The following PPP4R4 variants were observed in gnomAD, a reference collection of about 807,000 sequenced individuals.
PPP4R4 encodes protein phosphatase 4 regulatory subunit 4, also known as serine/threonine-protein phosphatase 4 regulatory subunit 4.
PPP4R4 carries 70 observed loss-of-function variants against 121.8 expected under a neutral mutation model. The ratio of observed to expected loss-of-function variants is 0.57; its 90% CI spans 0.47 to 0.70. PPP4R4 has a LOEUF of 0.70. Ranked by LOEUF, PPP4R4 falls within the 30% of genes least tolerant of loss-of-function variation. PPP4R4 has a pLI of 0.00. For synonymous variants in PPP4R4, 348 were observed against 355.7 expected, an observed-to-expected ratio of 0.98 and a Z score of 0.24; for missense variants, 875 against 1,033.6, an observed-to-expected ratio of 0.85 and a Z score of 2.10.
At chr14:94,229,900 C>G (rs921738093) in intron 3 of PPP4R4, among the ~76,000 whole-genome samples, 1 of 152,006 alleles carries the variant, frequency 6.6e-6, no homozygotes, top group African/African-American at 2.4e-5. Flanking sequence ...TTGAGGCTTA[C>G]GTAGAAAGAT....
At chr14:94,179,042 T>G (rs1349279963) in intron 2 of PPP4R4, among the ~76,000 whole-genome samples, 4 of 152,246 alleles carry the variant, frequency 2.6e-5, no homozygotes, top group African/African-American at 2.4e-5. Context: ...GTCCCACCAG[T>G]CCCTCACTTT....
intron 1 of PPP4R4, chr14:94,175,789 A>G (rs891913592): frequency 2.1e-6 from 1 of 480,620 alleles, no homozygotes; most frequent in African/African-American, 1.9e-5. Context: ...TGAAGCCACG[A>G]TGTGATTTTC....
chr14:94,266,278 A>T (rs2139646831), intron 22 of PPP4R4, among the ~76,000 whole-genome samples: 1 of 152,266 alleles, frequency 6.6e-6, no homozygotes, highest in East Asian at 1.9e-4. Flanking sequence ...TAAAGAATCC[A>T]TTGGCATGTT....
intron 5 of PPP4R4, among the ~76,000 whole-genome samples, chr14:94,232,382 G>C (rs906129532): frequency 6.6e-6 from 1 of 152,018 alleles, no homozygotes; most frequent in African/African-American, 2.4e-5. Context: ...CTTAAATACT[G>C]GCTTGAAAAT....
chr14:94,263,410 CA>C (rs1893882091), intron 19 of PPP4R4, among the ~76,000 whole-genome samples: 1 of 152,064 alleles, frequency 6.6e-6, no homozygotes, highest in East Asian at 1.9e-4. Context: ...TGAGCCTATC[CA>C]ATTAATTTTT....
At chr14:94,241,982 C>T (rs746698134) in intron 10 of PPP4R4, 25 bp downstream of exon 10, 37 of 1,545,860 alleles carry the variant, frequency 2.4e-5, no homozygotes, top group Non-Finnish European at 3.1e-5. Flanking sequence ...TTTATATTTA[C>T]TGAGGATTTT....
Position 94,264,858 on chromosome 14 carries a change from A to C in PPP4R4, c.2128-20A>C. 1.3e-6 allele frequency: 2 copies of C among 1,562,372 alleles called. No individual in the cohort carries two copies. The highest frequency in any genetic ancestry group is 2.7e-5 in the African/African-American group (2 of 73,136). ...CTACTTCAGTTGTACCTTTAATGCA[A>C]GATACTGTCTTAATAACAGGAACAA... On this transcript the variant is annotated intron_variant, in intron 19 of 24. Transcript: ENST00000304338.
chr14:94,242,504 G>T, intron 11 of PPP4R4, 96 bp downstream of exon 11: 7 of 1,160,800 alleles, frequency 6.0e-6, no homozygotes, highest in East Asian at 2.6e-5. Flanking sequence ...GATATAGACT[G>T]GATATCTCTT....
chr14:94,273,099 G>A (rs1329525386), intron 23 of PPP4R4, among the ~76,000 whole-genome samples: 2 of 152,262 alleles, frequency 1.3e-5, no homozygotes, highest in African/African-American at 4.8e-5. Flanking sequence ...TACAAAACCA[G>A]ACATTCTTAC....
chr14:94,190,384 G>C (rs6575397), intron 2 of PPP4R4, among the ~76,000 whole-genome samples: 1 of 151,904 alleles, frequency 6.6e-6, no homozygotes, highest in Non-Finnish European at 1.5e-5. Context: ...GAGGTGGGTG[G>C]ATCACTTGAG....
intron 3 of PPP4R4, among the ~76,000 whole-genome samples, chr14:94,209,885 C>T (rs1890653280): frequency 6.6e-6 from 1 of 151,986 alleles, no homozygotes; most frequent in Non-Finnish European, 1.5e-5. Flanking sequence ...ATTAGATATC[C>T]AAAGTTTCAT....
chr14:94,219,399 T>C (rs749041938), intron 3 of PPP4R4, among the ~76,000 whole-genome samples: 8 of 152,126 alleles, frequency 5.3e-5, no homozygotes, highest in Non-Finnish European at 1.0e-4. Flanking sequence ...AGTAATGTGA[T>C]ACCAGATGGA....
At chr14:94,250,612 A>G (rs1893130102) in intron 15 of PPP4R4, among the ~76,000 whole-genome samples, 1 of 152,130 alleles carries the variant, frequency 6.6e-6, no homozygotes, top group Non-Finnish European at 1.5e-5. Flanking sequence ...TTATGGTCCT[A>G]TTTCAATATT....
intron 3 of PPP4R4, chr14:94,227,496 C>T (rs1891782774): frequency 1.4e-6 from 2 of 1,379,542 alleles, no homozygotes; most frequent in African/African-American, 3.0e-5. Context: ...TGGACAGTCC[C>T]AGATGTTGAA....
intron 2 of PPP4R4, among the ~76,000 whole-genome samples, chr14:94,185,480 C>A (rs568546786): frequency 2.6e-5 from 4 of 152,142 alleles, no homozygotes; most frequent in Admixed American, 2.6e-4. Context: ...GAACTCCAGC[C>A]TGGGCAACAG....
intron 3 of PPP4R4, among the ~76,000 whole-genome samples, chr14:94,218,548 GCA>G (rs772923272): frequency 1.3e-5 from 1 of 76,302 alleles, no homozygotes; most frequent in Non-Finnish European, 2.4e-5. Flanking sequence ...CTGCGCGCGC[GCA>G]CACACACACA....
chr14:94,201,444 AT>A (rs1426507307), intron 2 of PPP4R4, among the ~76,000 whole-genome samples: 6 of 151,952 alleles, frequency 3.9e-5, no homozygotes, highest in African/African-American at 1.5e-4. Flanking sequence ...CCCCACTATT[AT>A]TGTGCTGCTG....
intron 3 of PPP4R4, among the ~76,000 whole-genome samples, chr14:94,228,761 C>T (rs1231907100): frequency 6.6e-6 from 1 of 152,156 alleles, no homozygotes; most frequent in Admixed American, 6.5e-5. Flanking sequence ...TACTGAATGC[C>T]TGCTGTGTGC....
chr14:94,250,021 T>C (rs1444954684), intron 14 of PPP4R4, 151 bp from the exon 15 acceptor site: 5 of 567,140 alleles, frequency 8.8e-6, no homozygotes, highest in Non-Finnish European at 1.3e-5. Flanking sequence ...CATTAAATTA[T>C]GAAGATACTT....
Sources: allele counts gnomAD v4.1 joint callset (sites outside exome capture counted in the v4.1 genomes callset), GRCh38; gene constraint gnomAD v4.1.1; transcripts MANE v1.5; gene names NCBI Gene and HGNC (gene_info 2026-07-23, HGNC 2026-07-21).